RIN3: variants seen among roughly 807,000 people sequenced by gnomAD.
RIN3 encodes RAB5 interacting protein 3.
RIN3 carries 54 observed loss-of-function variants against 76.3 expected under a neutral mutation model. The ratio of observed to expected loss-of-function variants is 0.71; its 90% CI spans 0.57 to 0.89. RIN3 has a LOEUF of 0.89. Ranked by LOEUF, RIN3 falls within the 40% of genes least tolerant of loss-of-function variation. RIN3 has a pLI of 0.00. For missense variants in RIN3, 1,256 were observed against 1,322.1 expected (o/e 0.95, Z 0.78); for synonymous variants, 576 against 564.0 (o/e 1.02, Z -0.30).
chr14:92,559,011 C>T (rs1464934967), intron 2 of RIN3, among the ~76,000 whole-genome samples: 7 of 151,342 alleles, frequency 4.6e-5, no homozygotes, highest in East Asian at 1.9e-4. Flanking sequence ...GGACTACAGG[C>T]GTGTGCCACC....
chr14:92,549,576 C>A (rs1321640920), intron 1 of RIN3, among the ~76,000 whole-genome samples: 2 of 152,206 alleles, frequency 1.3e-5, no homozygotes, highest in African/African-American at 4.8e-5. Context: ...GCTGAATAGG[C>A]CTGAATGTAG....
At chr14:92,558,075 G>A (rs1019339817) in intron 2 of RIN3, among the ~76,000 whole-genome samples, 1 of 152,162 alleles carries the variant, frequency 6.6e-6, no homozygotes, top group Non-Finnish European at 1.5e-5. Context: ...TAGCCTGGGC[G>A]CGGTGGCTCA....
In RIN3 at chr14:92,685,866, C is replaced by A. The variant is rs569311685; in HGVS notation, c.2631+716C>A. The A allele has an allele frequency of 8.0e-4, 122 of 152,742 alleles. No individual in the cohort carries two copies. The highest frequency in any genetic ancestry group is 1.4e-3 in the Non-Finnish European group (94 of 68,368). The allele number at this position is 152,742 out of a possible 1,614,324, so 9.5% of individuals were successfully genotyped here. The stretch of plus-strand genomic sequence containing the variant: ...AGAAGCCTTCCCTGATACACACACA[C>A]ACCGTTTCACACAGGCTGGGTGGGG... On this transcript the variant is annotated intron_variant, in intron 9 of 9. Transcript: ENST00000216487. The surrounding 1 kb of genome is among the most constrained non-coding windows in gnomAD (Gnocchi z 4.7).
intron 1 of RIN3, among the ~76,000 whole-genome samples, chr14:92,526,194 G>A (rs1463592462): frequency 1.3e-5 from 2 of 152,312 alleles, no homozygotes; most frequent in East Asian, 1.9e-4. Context: ...GGTGGTTCAC[G>A]CCTGTAATCC....
At chr14:92,520,569 A>C (rs1030961820) in intron 1 of RIN3, among the ~76,000 whole-genome samples, 5 of 152,218 alleles carry the variant, frequency 3.3e-5, no homozygotes, top group African/African-American at 1.2e-4. Context: ...GGTGTCAGGC[A>C]CTGATGCGAA....
chr14:92,541,033 C>T (rs1436199618), intron 1 of RIN3, among the ~76,000 whole-genome samples: 2 of 152,218 alleles, frequency 1.3e-5, no homozygotes, highest in Non-Finnish European at 2.9e-5. Context: ...GGAAGTTCAA[C>T]CTACTTGCCA....
chr14:92,639,741 G>T (rs1886918997), intron 4 of RIN3, among the ~76,000 whole-genome samples: 1 of 152,214 alleles, frequency 6.6e-6, no homozygotes. Context: ...CCTTCTGGGA[G>T]ATCTCTGGAG....
chr14:92,615,216 A>G (rs2140103279), intron 3 of RIN3, among the ~76,000 whole-genome samples, 191 bp from the exon 4 acceptor site: 1 of 152,152 alleles, frequency 6.6e-6, no homozygotes, highest in South Asian at 2.1e-4. Context: ...ATGGATTGAC[A>G]AGGAATTCCA....
chr14:92,517,409 A>T (rs1896472240), intron 1 of RIN3, among the ~76,000 whole-genome samples: 1 of 152,130 alleles, frequency 6.6e-6, no homozygotes, highest in African/African-American at 2.4e-5. Context: ...ACAGAACCCC[A>T]TCCTTGGGGC....
At chr14:92,575,600 G>A (rs1898201417) in intron 2 of RIN3, among the ~76,000 whole-genome samples, 1 of 152,100 alleles carries the variant, frequency 6.6e-6, no homozygotes. Flanking sequence ...TTTAGACATA[G>A]GCTAATTTCC....
At chr14:92,550,282 TG>T (rs1897388473) in intron 1 of RIN3, among the ~76,000 whole-genome samples, 1 of 152,236 alleles carries the variant, frequency 6.6e-6, no homozygotes, top group Non-Finnish European at 1.5e-5. Flanking sequence ...TTGGAAAAAC[TG>T]TAACATTTAC....
chr14:92,609,359 G>T (rs1376955363), intron 3 of RIN3, among the ~76,000 whole-genome samples: 1 of 152,178 alleles, frequency 6.6e-6, no homozygotes, highest in African/African-American at 2.4e-5. Flanking sequence ...AGAGTCTGTT[G>T]TCACCTGCTG....
intron 1 of RIN3, among the ~76,000 whole-genome samples, chr14:92,553,546 C>G (rs140063300): frequency 2.0e-5 from 3 of 152,082 alleles, no homozygotes; most frequent in Non-Finnish European, 2.9e-5. Flanking sequence ...CATCCTACCC[C>G]GCCCCCACCA....
At chr14:92,672,293 T>C (rs998358560) in intron 7 of RIN3, among the ~76,000 whole-genome samples, 16 of 151,580 alleles carry the variant, frequency 1.1e-4, no homozygotes, top group African/African-American at 3.6e-4. Context: ...GCACCTATAA[T>C]GCCAGCTACT....
In RIN3 at chr14:92,514,413, G is replaced by A. The variant is rs1012537712; in HGVS notation, c.44+437G>A. On this transcript the variant is annotated intron_variant, in intron 1 of 9. Coordinates refer to ENST00000216487, the MANE Select transcript of RIN3 (RefSeq NM_024832.5). The surrounding 1 kb of genome is among the most constrained non-coding windows in gnomAD (Gnocchi z 7.2). ...TCTGCGAGTCGCAGCGCGCGCCCTC[G>A]GGTACTAGAGCCCCGCTGGGCGTGG... Among the ~76,000 whole-genome samples, 11 of 152,210 alleles carry A rather than the reference G, an allele frequency of 7.2e-5. No homozygotes were observed. The highest frequency in any genetic ancestry group is 1.4e-4 in the African/African-American group (6 of 41,462).
intron 3 of RIN3, among the ~76,000 whole-genome samples, chr14:92,612,414 TTCC>T (rs1433963199): frequency 2.0e-5 from 3 of 152,212 alleles, no homozygotes; most frequent in Non-Finnish European, 4.4e-5. Flanking sequence ...TTGTTGGGAC[TTCC>T]TCAAGTCCAA....
chr14:92,668,162 A>G (rs1888174853), intron 7 of RIN3, among the ~76,000 whole-genome samples: 1 of 152,220 alleles, frequency 6.6e-6, no homozygotes, highest in East Asian at 1.9e-4. Flanking sequence ...ACTAAGGCTC[A>G]GTGAAGTTAA....
chr14:92,575,862 A>G (rs140577730), intron 2 of RIN3, among the ~76,000 whole-genome samples: 18 of 152,178 alleles, frequency 1.2e-4, no homozygotes, highest in Admixed American at 2.6e-4. Context: ...CCTCCTGGGA[A>G]TGCAGCCCAG....
intron 7 of RIN3, among the ~76,000 whole-genome samples, chr14:92,665,535 T>C (rs572667952): frequency 1.2e-4 from 19 of 152,066 alleles, no homozygotes; most frequent in East Asian, 1.2e-3. Flanking sequence ...CCCACCACCA[T>C]GCCCGGCTAA....
Sources: gnomAD v4.1 joint callset for allele counts (sites outside exome capture counted in the v4.1 genomes callset) on GRCh38, gnomAD v4.1.1 for gene constraint, Gnocchi (gnomAD v3.1) non-coding constraint, MANE v1.5 for transcripts, NCBI Gene and HGNC (gene_info 2026-07-23, HGNC 2026-07-21) for gene names.